UBQLN1: variants seen among roughly 807,000 people sequenced by gnomAD.
UBQLN1 encodes the protein ubiquilin 1, also known as ubiquilin-1.
Under a neutral mutation model 65.4 loss-of-function variants are expected in UBQLN1, and 13 were observed. That is an observed-to-expected ratio of 0.20 (90% CI 0.13 to 0.32). The LOEUF (loss-of-function observed/expected upper bound fraction) is 0.32, where lower values mean the gene tolerates loss of function less well. Ranked by LOEUF, UBQLN1 falls within the 10% of genes least tolerant of loss-of-function variation. UBQLN1 has a pLI of 1.00. For missense variants in UBQLN1, 561 were observed against 724.0 expected (o/e 0.77, Z 2.58); for synonymous variants, 267 against 247.8 (o/e 1.08, Z -0.73).
chr9:83,665,933 A>G (rs1376217517), intron 8 of UBQLN1, among the ~76,000 whole-genome samples: 1 of 152,162 alleles, frequency 6.6e-6, no homozygotes, highest in Non-Finnish European at 1.5e-5. Context: ...CCCCTTGGGG[A>G]AAAAAAGCCT....
At chr9:83,663,254 A>G (rs913569288) in intron 10 of UBQLN1, among the ~76,000 whole-genome samples, 1 of 152,186 alleles carries the variant, frequency 6.6e-6, no homozygotes, top group African/African-American at 2.4e-5. Context: ...TTGAGACATT[A>G]AGAAGTTTGG....
At chr9:83,678,663 ATTACT>A in intron 4 of UBQLN1, 64 bp from the exon 5 acceptor site, 3 of 1,487,570 alleles carry the variant, frequency 2.0e-6, no homozygotes, top group Non-Finnish European at 1.8e-6. Flanking sequence ...AATTACATTA[ATTACT>A]TTATTAACTG....
At chr9:83,663,070 G>GAAAAAA (rs568998289) in intron 10 of UBQLN1, among the ~76,000 whole-genome samples, 25 of 106,406 alleles carry the variant, frequency 2.3e-4, no homozygotes, top group African/African-American at 9.0e-4. Context: ...GAAAGGGAAA[G>GAAAAAA]AAAAAAAAAA....
chr9:83,695,620 T>TA (rs11337638), intron 1 of UBQLN1, among the ~76,000 whole-genome samples: 3 of 151,030 alleles, frequency 2.0e-5, no homozygotes, highest in Non-Finnish European at 4.4e-5. Flanking sequence ...TTTAAAGAGT[T>TA]AAAAAAAAAA....
intron 3 of UBQLN1, 142 bp downstream of exon 3, chr9:83,682,809 A>C (rs1251541844): frequency 1.5e-5 from 7 of 480,386 alleles, no homozygotes; most frequent in Non-Finnish European, 2.2e-5. Context: ...AATATCTACA[A>C]TTATAGGAAT....
chr9:83,705,629 A>T (rs1234038336), intron 1 of UBQLN1, among the ~76,000 whole-genome samples: 2 of 152,212 alleles, frequency 1.3e-5, no homozygotes, highest in African/African-American at 4.8e-5. Context: ...TAAGTATATA[A>T]CCATGAAAGA....
intron 6 of UBQLN1, among the ~76,000 whole-genome samples, chr9:83,671,192 T>C (rs577669310): frequency 1.3e-4 from 20 of 152,302 alleles, no homozygotes; most frequent in Admixed American, 2.6e-4. Context: ...CCCTCCTCCA[T>C]AGAAGTCTTG....
At chr9:83,684,643 C>T (rs1329048057) in intron 2 of UBQLN1, among the ~76,000 whole-genome samples, 1 of 152,004 alleles carries the variant, frequency 6.6e-6, no homozygotes, top group African/African-American at 2.4e-5. Context: ...GAAACCCCGT[C>T]TCTATCAAAA....
Position 83,707,933 on chromosome 9 carries a change from G to GC in UBQLN1, c.-255dup. 2.0e-6 allele frequency: 1 copy of GC among 508,860 alleles called. No homozygotes were observed. Among genetic ancestry groups the GC allele is most frequent in the Non-Finnish European group, 3.4e-6 (1 of 296,482 alleles). The allele number at this position is 508,860 out of a possible 1,614,324, so 31.5% of individuals were successfully genotyped here. ...GCGCCGCTCGCTCACACCGACATCC[G>GC]CAGCAGCCACCGCTTCCTCCTCCCT... On this transcript the variant is annotated 5_prime_UTR_variant, in exon 1 of 11. Coordinates refer to ENST00000376395, the MANE Select transcript of UBQLN1 (RefSeq NM_013438.5).
chr9:83,707,522 G>A lies in UBQLN1; in HGVS notation c.158C>T (p.Pro53Leu). The A allele has an allele frequency of 6.2e-7, 1 of 1,610,916 alleles. No homozygotes were observed. Among genetic ancestry groups the A allele is most frequent in the Non-Finnish European group, 8.5e-7 (1 of 1,178,668 alleles). The change falls in exon 1 of 11, where the codon CCC becomes CTC. Residue 53 changes from proline to leucine, a missense_variant. Transcript: ENST00000376395. Reference protein sequence around the residue: ...TPKEKEEFAVPENSSVQQFKE... With the variant: ...TPKEKEEFAVLENSSVQQFKE... ...CACCTGCTGGACGGAGCTATTCTCG[G>A]GCACGGCGAATTCCTCCTTTTCCTT...
At chr9:83,706,969 G>A (rs920307567) in intron 1 of UBQLN1, among the ~76,000 whole-genome samples, 3 of 152,062 alleles carry the variant, frequency 2.0e-5, no homozygotes, top group Admixed American at 6.5e-5. Flanking sequence ...AAGGTTGCAA[G>A]GTGGGAAAGA....
chr9:83,665,014 C>T lies in UBQLN1; in HGVS notation c.1448+16G>A. On this transcript the variant is annotated intron_variant, in intron 9 of 10. Transcript: ENST00000376395. ...AACCATTATACACTTTCATTATCTT[C>T]CCCAAATAAGCCTACCCTGGGATGA... The T allele has an allele frequency of 6.4e-7, 1 of 1,564,450 alleles. No individual in the cohort carries two copies. The highest frequency in any genetic ancestry group is 1.8e-5 in the Admixed American group (1 of 55,698).
intron 1 of UBQLN1, among the ~76,000 whole-genome samples, chr9:83,704,935 A>G (rs1832373488): frequency 6.6e-6 from 1 of 152,176 alleles, no homozygotes; most frequent in Admixed American, 6.5e-5. Flanking sequence ...CCTCACAGCT[A>G]TAACATCATA....
intron 2 of UBQLN1, among the ~76,000 whole-genome samples, chr9:83,684,488 C>T (rs35535452): frequency 0.2 from 29,786 of 151,920 alleles, 3,164 homozygotes; most frequent in African/African-American, 0.25. Flanking sequence ...AGCCACCGCG[C>T]CTGGCCTGAT....
intron 6 of UBQLN1, among the ~76,000 whole-genome samples, chr9:83,673,780 T>C (rs544550818): frequency 2.0e-5 from 3 of 152,240 alleles, no homozygotes; most frequent in Admixed American, 6.5e-5. Flanking sequence ...AAACTGTCTA[T>C]GGTACTGTCA....
chr9:83,673,101 A>T (rs931820795), intron 6 of UBQLN1, among the ~76,000 whole-genome samples: 1 of 151,918 alleles, frequency 6.6e-6, no homozygotes, highest in Non-Finnish European at 1.5e-5. Context: ...GTGGTGGTAC[A>T]CACCTGTAAT....
intron 1 of UBQLN1, among the ~76,000 whole-genome samples, chr9:83,696,771 T>A (rs1832222761): frequency 1.3e-5 from 2 of 152,090 alleles, no homozygotes; most frequent in Admixed American, 1.3e-4. Context: ...CAACATGGGA[T>A]TAGAAAGTAA....
chr9:83,672,951 G>A (rs1023149111), intron 6 of UBQLN1, among the ~76,000 whole-genome samples: 1 of 152,206 alleles, frequency 6.6e-6, no homozygotes, highest in Non-Finnish European at 1.5e-5. Flanking sequence ...ATGTTTCAAG[G>A]CCAGGCATGG....
chr9:83,671,452 G>A (rs996175301), intron 6 of UBQLN1, among the ~76,000 whole-genome samples: 2 of 152,032 alleles, frequency 1.3e-5, no homozygotes, highest in African/African-American at 4.8e-5. Context: ...CTTGATCCAT[G>A]GGCTGCATGC....
Sources: gnomAD v4.1 joint callset for allele counts (sites outside exome capture counted in the v4.1 genomes callset) on GRCh38, gnomAD v4.1.1 for gene constraint, MANE v1.5 for transcripts, NCBI Gene and HGNC (gene_info 2026-07-23, HGNC 2026-07-21) for gene names.